Variants in TAMM41 observed in about 807,000 individuals in gnomAD.
The protein encoded by TAMM41 is TAM41 mitochondrial translocator assembly and maintenance homolog, also known as phosphatidate cytidylyltransferase, mitochondrial.
TAMM41 carries 36 observed loss-of-function variants against 44.1 expected under a neutral mutation model. The ratio of observed to expected loss-of-function variants is 0.82; its 90% CI spans 0.63 to 1.08. The LOEUF (loss-of-function observed/expected upper bound fraction) is 1.08. TAMM41 is among the 50% of genes least tolerant of loss of function. The probability of loss-of-function intolerance (pLI) is 0.00; values close to 1 mark genes in which losing one functional copy is unlikely to be tolerated. For synonymous variants in TAMM41, 164 were observed against 153.1 expected (o/e 1.07, Z -0.53); for missense variants, 417 against 404.3 (o/e 1.03, Z -0.27).
intron 5 of TAMM41, chr3:11,809,895 T>C (rs1186504277): frequency 6.9e-6 from 3 of 437,660 alleles, no homozygotes; most frequent in Non-Finnish European, 7.9e-6. Flanking sequence ...TCTTGTCCTA[T>C]AATATTCCAT....
the TAMM41 span, among the ~76,000 whole-genome samples, chr3:11,776,456 T>C: frequency 6.6e-6 from 1 of 152,158 alleles, no homozygotes; most frequent in African/African-American, 2.4e-5. Flanking sequence ...CCTGACTTAC[T>C]GTACCTTTGC....
At chr3:11,786,871 C>T (rs928405230), downstream of TAMM41, among the ~76,000 whole-genome samples, 2 of 151,864 alleles carry the variant, frequency 1.3e-5, no homozygotes, top group Admixed American at 6.6e-5. Context: ...TGGGATTACA[C>T]GTGTGAGCCA....
At chr3:11,796,213 T>A (rs943679770) in intron 7 of TAMM41, among the ~76,000 whole-genome samples, 3 of 152,210 alleles carry the variant, frequency 2.0e-5, no homozygotes, top group East Asian at 1.9e-4. Context: ...TGGTTATAGA[T>A]GCCTGGCTTC....
At chr3:11,808,346 G>A (rs940505897) in intron 6 of TAMM41, 3 of 1,005,004 alleles carry the variant, frequency 3.0e-6, no homozygotes, top group Middle Eastern at 5.0e-4. Context: ...TCAAAGAGAC[G>A]GCCCAGATCA....
chr3:11,808,550 T>A (rs1025128543), intron 6 of TAMM41: 4 of 985,392 alleles, frequency 4.1e-6, no homozygotes, highest in Non-Finnish European at 4.8e-6. Flanking sequence ...CTGGAAATTC[T>A]ATCTGGCACG....
chr3:11,795,152 C>A (rs2077574326), intron 7 of TAMM41, among the ~76,000 whole-genome samples: 1 of 152,184 alleles, frequency 6.6e-6, no homozygotes, highest in Non-Finnish European at 1.5e-5. Context: ...CTTTTAGGAG[C>A]AAGACTGAAC....
chr3:11,817,243 T>G lies in TAMM41; in HGVS notation c.657A>C (p.Ile219=). ...ACACCACTTGAGGATTTTCCTGTAG[T>G]ATGCTGCCATAGAGCTCTCGAAAGT... The part of the protein sequence containing the change: ...IAHFRELYGS[I]LQENPQVVYK... The change falls in exon 5 of 8, where the codon ATA becomes ATC. Residue 219 remains isoleucine, a synonymous_variant. Coordinates refer to ENST00000455809, the MANE Select transcript of TAMM41 (RefSeq NM_001284401.2). 1 of 1,613,496 alleles carries G rather than the reference T, an allele frequency of 6.2e-7. No homozygotes were observed. The highest frequency in any genetic ancestry group is 8.5e-7 in the Non-Finnish European group (1 of 1,179,482).
At position 11,805,425 on chromosome 3, in the gene TAMM41, C is replaced by T. The variant is rs528979787; in HGVS notation, c.937+2408G>A. Among the ~76,000 whole-genome samples, 336 of 152,288 alleles carry T rather than the reference C, an allele frequency of 2.2e-3. 1 individual carries two copies. The highest frequency in any genetic ancestry group is 3.6e-3 in the Non-Finnish European group (246 of 68,012). On this transcript the variant is annotated intron_variant, in intron 7 of 7. Transcript: ENST00000455809. ...GTGCTGGGATTATAGGTGTGAGCCA[C>T]CGCATCTGGCCTATTTTTGTTATTT...
chr3:11,736,226 G>A, the TAMM41 span, among the ~76,000 whole-genome samples: 1 of 152,180 alleles, frequency 6.6e-6, no homozygotes, highest in East Asian at 1.9e-4. Flanking sequence ...TCCTCGTGCA[G>A]CAGTTTTCTT....
At chr3:11,748,989 T>C in the TAMM41 span, among the ~76,000 whole-genome samples, 6,161 of 148,240 alleles carry the variant, frequency 0.042, 405 homozygotes, top group African/African-American at 0.14. Flanking sequence ...CTTGGCTCAC[T>C]GCAACCTCTG....
At chr3:11,732,528 A>G in the TAMM41 span, among the ~76,000 whole-genome samples, 1 of 152,258 alleles carries the variant, frequency 6.6e-6, no homozygotes, top group Non-Finnish European at 1.5e-5. Flanking sequence ...CATGTAAGTT[A>G]ACATAAAAGA....
At chr3:11,757,647 G>C in the TAMM41 span, among the ~76,000 whole-genome samples, 159 of 152,376 alleles carry the variant, frequency 1.0e-3, 2 homozygotes, top group Admixed American at 6.2e-3. Context: ...CAATGGGCCT[G>C]ATGAACTGCC....
the TAMM41 span, among the ~76,000 whole-genome samples, chr3:11,734,653 G>A: frequency 9.9e-5 from 15 of 152,186 alleles, no homozygotes; most frequent in Admixed American, 2.6e-4. Context: ...CTATGTGCTG[G>A]GCACTCATGA....
chr3:11,743,196 G>A, the TAMM41 span, among the ~76,000 whole-genome samples: 1 of 152,070 alleles, frequency 6.6e-6, no homozygotes, highest in African/African-American at 2.4e-5. Flanking sequence ...AGTGAGCTTC[G>A]GGGTCTATAC....
At chr3:11,722,372 A>G in the TAMM41 span, among the ~76,000 whole-genome samples, 25 of 152,194 alleles carry the variant, frequency 1.6e-4, 1 homozygote, top group South Asian at 4.4e-3. Context: ...TTACTGTAAG[A>G]AAAAGGGGGG....
At chr3:11,784,208 T>C in the TAMM41 span, among the ~76,000 whole-genome samples, 1 of 152,104 alleles carries the variant, frequency 6.6e-6, no homozygotes, top group Non-Finnish European at 1.5e-5. Context: ...TCATAACCTT[T>C]TTAAAAAATG....
intron 4 of TAMM41, among the ~76,000 whole-genome samples, chr3:11,819,597 A>T (rs1468720154): frequency 6.6e-6 from 1 of 152,132 alleles, no homozygotes; most frequent in African/African-American, 2.4e-5. Context: ...AAACAAAGAG[A>T]TACAAAAGTA....
the TAMM41 span, among the ~76,000 whole-genome samples, chr3:11,781,163 T>A: frequency 3.9e-5 from 6 of 152,212 alleles, no homozygotes; most frequent in Non-Finnish European, 8.8e-5. Context: ...CTCTTCTATG[T>A]AACCCACTGC....
intron 5 of TAMM41, among the ~76,000 whole-genome samples, chr3:11,815,381 A>G (rs1464230851): frequency 6.6e-6 from 1 of 152,216 alleles, no homozygotes; most frequent in Non-Finnish European, 1.5e-5. Context: ...CCTGTGAGAA[A>G]CAAGAAACAG....
Sources: allele counts gnomAD v4.1 joint callset (sites outside exome capture counted in the v4.1 genomes callset), GRCh38; gene constraint gnomAD v4.1.1; transcripts MANE v1.5; gene names NCBI Gene and HGNC (gene_info 2026-07-23, HGNC 2026-07-21).